MYBPC2: variants seen among roughly 807,000 people sequenced by gnomAD.
MYBPC2 encodes the protein myosin-binding protein C, fast-type.
Under a neutral mutation model 137.0 loss-of-function variants are expected in MYBPC2, and 122 were observed. The observed-to-expected ratio is 0.89, with a 90% CI of 0.77 to 1.03. The LOEUF is 1.03. Among genes scored for constraint, MYBPC2 ranks in the 50% least tolerant of loss-of-function variants. The pLI is 0.00. For synonymous variants in MYBPC2, 626 were observed against 612.3 expected (o/e 1.02, Z -0.33); for missense variants, 1,500 against 1,534.4 (o/e 0.98, Z 0.37).
At position 50,451,329 on chromosome 19, in the gene MYBPC2, C is replaced by A; in HGVS notation, c.1609+20C>A. 2 of 1,612,594 alleles carry A rather than the reference C, an allele frequency of 1.2e-6. No homozygotes were observed. The highest frequency in any genetic ancestry group is 1.7e-6 in the Non-Finnish European group (2 of 1,179,628). ...AGCAAGGTGAGCACCACGGGCTGCG[C>A]TGGGAGCGGGTCTGAGGGAGGAGGG... On this transcript the variant is annotated intron_variant, in intron 15 of 27. Coordinates refer to ENST00000357701, the MANE Select transcript of MYBPC2 (RefSeq NM_004533.4).
Position 50,453,538 on chromosome 19 carries a change from T to C in MYBPC2, c.1750-482T>C, listed in dbSNP as rs553524897. Among the ~76,000 whole-genome samples the C allele has an allele frequency of 3.8e-3, 574 of 152,154 alleles. 6 individuals are homozygous for C. Among genetic ancestry groups the C allele is most frequent in the African/African-American group, 0.013 (541 of 41,524 alleles). ...TTGTTGTTGTTGTTTGGTTGGTTTC[T>C]TTTTTTCTCTTTTTTTTTTGAGATG... On this transcript the variant is annotated intron_variant, in intron 16 of 27. Coordinates refer to ENST00000357701, the MANE Select transcript of MYBPC2 (RefSeq NM_004533.4).
Position 50,466,109 on chromosome 19 carries a change from G to T in MYBPC2, c.3416-86G>T, listed in dbSNP as rs1004519290. 1.9e-5 allele frequency: 30 copies of T among 1,581,864 alleles called. No homozygotes were observed. In the Middle Eastern group the frequency reaches 9.0e-4, roughly 48 times the overall value. ...GTGACCGTCATCCTGTCCCCCTGCTGGTCATGTGGATGCAGCTCCTCCTCC... is the reference window on the plus strand; with the variant it reads ...GTGACCGTCATCCTGTCCCCCTGCTTGTCATGTGGATGCAGCTCCTCCTCC... On this transcript the variant is annotated intron_variant, in intron 27 of 27. Transcript: ENST00000357701. The surrounding 1 kb of genome is among the most constrained non-coding windows in gnomAD (Gnocchi z 4.9).
chr19:50,464,675 C>T (rs1406645849), intron 27 of MYBPC2, 143 bp downstream of exon 27: 1 of 1,020,958 alleles, frequency 9.8e-7, no homozygotes, highest in Admixed American at 3.3e-5. Flanking sequence ...AAGCTGCTGT[C>T]CTGAAGGCAG....
intron 1 of MYBPC2, 56 bp downstream of exon 1, chr19:50,433,028 GA>G: frequency 2.0e-6 from 3 of 1,530,834 alleles, no homozygotes; most frequent in Non-Finnish European, 2.6e-6. Flanking sequence ...TCTGGATGGG[GA>G]TTTGGGACCC....
chr19:50,441,220 A>T, intron 8 of MYBPC2, 144 bp downstream of exon 8: 1 of 845,244 alleles, frequency 1.2e-6, no homozygotes, highest in Non-Finnish European at 1.7e-6. Context: ...TGGGCCTCGG[A>T]CACCAGACCA....
In MYBPC2 at chr19:50,437,337, G is replaced by A. The variant is rs2293455; in HGVS notation, c.464-136G>A. The A allele has an allele frequency of 2.3e-5, 22 of 966,148 alleles. No individual in the cohort carries two copies. In the African/African-American group the frequency reaches 3.1e-4, roughly 14 times the overall value. 59.8% of individuals were successfully genotyped at this position (966,148 alleles called of 1,614,324 possible). A position where few individuals can be genotyped will look rare whatever the true frequency, so the allele number is the denominator to read the frequency against. ...CTAGAACTAGAGGATGCCCAGGCCT[G>A]AGCAAGGTTGTGCTGGTCCAAGAGA... On this transcript the variant is annotated intron_variant, in intron 5 of 27. Coordinates refer to ENST00000357701, the MANE Select transcript of MYBPC2 (RefSeq NM_004533.4).
rs991001883 is a variant in MYBPC2, at chr19:50,435,605, G to T, written c.110-171G>T. The stretch of plus-strand genomic sequence containing the variant: ...AGCCTGGCCAAGGTCACACAGCCAC[G>T]AGGGTGACAGGTGGCCTTTCCCAGG... On this transcript the variant is annotated intron_variant, in intron 2 of 27. Transcript: ENST00000357701. The surrounding 1 kb of genome is among the most constrained non-coding windows in gnomAD (Gnocchi z 4.8). Among the ~76,000 whole-genome samples, 1 of 152,230 alleles carries T rather than the reference G, an allele frequency of 6.6e-6. No homozygotes were observed. The highest frequency in any genetic ancestry group is 2.4e-5 in the African/African-American group (1 of 41,574).
Position 50,459,296 on chromosome 19 carries a change from C to T in MYBPC2, c.2781C>T (p.Ile927=). The part of the protein sequence containing the change: ...ENMKDTATIR[I]RVVEKAGPPI... ...TGAAGGACACCGCCACCATCCGCAT[C>T]CGCGTTGTGGGTGCGCGCGCTGGGG... The change falls in exon 23 of 28, where the codon ATC becomes ATT. Residue 927 remains isoleucine, a synonymous_variant. Transcript: ENST00000357701. The T allele has an allele frequency of 1.2e-6, 2 of 1,603,932 alleles. No individual in the cohort carries two copies. The highest frequency in any genetic ancestry group is 1.7e-5 in the Admixed American group (1 of 59,430).
At chr19:50,444,752 C>T (rs920856430) in intron 11 of MYBPC2, among the ~76,000 whole-genome samples, 4 of 151,246 alleles carry the variant, frequency 2.6e-5, no homozygotes, top group Non-Finnish European at 4.4e-5. Context: ...TGTTGGCGGG[C>T]GCCTGTAGTC....
At chr19:50,452,116 AG>A in intron 16 of MYBPC2, 113 bp downstream of exon 16, 1 of 1,218,412 alleles carries the variant, frequency 8.2e-7, no homozygotes, top group Non-Finnish European at 1.1e-6. Flanking sequence ...CCTTCTTCAC[AG>A]GGTTGTTTTG....
chr19:50,461,966 C>A lies in MYBPC2; in HGVS notation c.3158C>A (p.Pro1053His), dbSNP rs747896259. 3 of 1,585,378 alleles carry A rather than the reference C, an allele frequency of 1.9e-6. No individual in the cohort carries two copies. Among genetic ancestry groups the A allele is most frequent in the South Asian group, 2.3e-5 (2 of 86,732 alleles). The change falls in exon 26 of 28, where the codon CCT becomes CAT. Residue 1053 changes from proline to histidine, a missense_variant. Pro to His is a moderately conservative substitution (Grantham distance 77, BLOSUM62 -2). Transcript: ENST00000357701. ...DFRMAPKFLT[P>H]LIDRVVVAGY... is the part of the protein sequence containing the mutation. The stretch of plus-strand genomic sequence containing the variant: ...CGGATGGCTCCCAAGTTCCTGACAC[C>A]TCTCATAGACCGCGTGGTCGTGGCT...
Position 50,466,265 on chromosome 19 carries a change from T to A in MYBPC2, c.*60T>A. On this transcript the variant is annotated 3_prime_UTR_variant, in exon 28 of 28. Transcript: ENST00000357701. This position sits in a 1 kb window ranked among gnomAD's most constrained non-coding sequence, Gnocchi z 4.9. Reference sequence around the variant, plus strand: ...GGAGTCCTGACCCCAATCCCCAACCTCCCAGGACTGTGTTCTTTCTGGAGT... The same window carrying A: ...GGAGTCCTGACCCCAATCCCCAACCACCCAGGACTGTGTTCTTTCTGGAGT... The A allele has an allele frequency of 6.2e-7, 1 of 1,608,546 alleles. No individual in the cohort carries two copies. Among genetic ancestry groups the A allele is most frequent in the East Asian group, 2.2e-5 (1 of 44,780 alleles).
intron 1 of MYBPC2, among the ~76,000 whole-genome samples, chr19:50,433,568 G>C (rs528667597): frequency 1.3e-5 from 2 of 152,100 alleles, no homozygotes; most frequent in South Asian, 4.2e-4. Flanking sequence ...GGCTATTTTT[G>C]TATTTTTAAT....
In MYBPC2 at chr19:50,443,566, C is replaced by G; in HGVS notation, c.975C>G (p.Ala325=). 6.2e-7 allele frequency: 1 copy of G among 1,613,082 alleles called. No individual in the cohort carries two copies. The highest frequency in any genetic ancestry group is 8.5e-7 in the Non-Finnish European group (1 of 1,179,522). The change falls in exon 10 of 28, where the codon GCC becomes GCG. Residue 325 remains alanine, a synonymous_variant. Coordinates refer to ENST00000357701, the MANE Select transcript of MYBPC2 (RefSeq NM_004533.4). ...INKCTLADDA[A]YEVAVKDEKC... is the part of the protein sequence containing the mutation. ...AGTGCACGCTGGCGGATGACGCTGC[C>G]TATGAAGTAGCTGTCAAGGATGAGA... is the stretch of plus-strand genomic sequence containing the variant.
intron 16 of MYBPC2, among the ~76,000 whole-genome samples, chr19:50,453,426 G>C (rs1164357544): frequency 6.6e-6 from 1 of 152,232 alleles, no homozygotes; most frequent in Non-Finnish European, 1.5e-5. Context: ...TCTTCTGGGT[G>C]CTTCCTGAAG....
intron 1 of MYBPC2, among the ~76,000 whole-genome samples, chr19:50,433,461 T>G (rs1726816): frequency 0.5 from 75,182 of 150,230 alleles, 19,684 homozygotes; most frequent in African/African-American, 0.64. Flanking sequence ...CTGGACTGCA[T>G]TGGTGCGATC....
intron 16 of MYBPC2, among the ~76,000 whole-genome samples, chr19:50,453,562 T>TG (rs1430671108): frequency 6.6e-6 from 1 of 151,818 alleles, no homozygotes; most frequent in Non-Finnish European, 1.5e-5. Flanking sequence ...TTTTTTGAGA[T>TG]GGAGTTTTGC....
In MYBPC2 at chr19:50,460,538, G is replaced by A. The variant is rs574674697; in HGVS notation, c.2931+359G>A. Among the ~76,000 whole-genome samples, 4 of 152,258 alleles carry A rather than the reference G, an allele frequency of 2.6e-5. No homozygotes were observed. In the South Asian group the frequency reaches 6.2e-4, roughly 24 times the overall value. The stretch of plus-strand genomic sequence containing the variant: ...CCCCTGGTCTCCCCTGGCAGCCACC[G>A]ATTTGCTTTCTGTCTCCCTGGATTT... On this transcript the variant is annotated intron_variant, in intron 24 of 27. Transcript: ENST00000357701.
At chr19:50,458,896 C>CT (rs780129352) in intron 21 of MYBPC2, 22 bp from the exon 22 acceptor site, 1 of 1,605,626 alleles carries the variant, frequency 6.2e-7, no homozygotes, top group Non-Finnish European at 8.5e-7. Context: ...GCTGAGCCCC[C>CT]TCCCTGTGTT....
Sources: gnomAD v4.1 joint callset for allele counts (sites outside exome capture counted in the v4.1 genomes callset) on GRCh38, gnomAD v4.1.1 for gene constraint, Gnocchi (gnomAD v3.1) non-coding constraint, MANE v1.5 for transcripts, NCBI Gene and HGNC (gene_info 2026-07-23, HGNC 2026-07-21) for gene names.